RXRA: variants seen among roughly 807,000 people sequenced by gnomAD.
RXRA encodes retinoid X receptor alpha.
Under a neutral mutation model 44.5 loss-of-function variants are expected in RXRA, and 5 were observed. That is an observed-to-expected ratio of 0.11 (90% CI 0.06 to 0.24). The LOEUF (loss-of-function observed/expected upper bound fraction) is 0.24. RXRA is among the 10% of genes least tolerant of loss of function. The pLI is 1.00. For missense variants in RXRA, 412 were observed against 646.5 expected, an observed-to-expected ratio of 0.64 and a Z score of 3.93; for synonymous variants, 291 against 271.4, an observed-to-expected ratio of 1.07 and a Z score of -0.71.
At chr9:134,423,871 T>TGC in intron 6 of RXRA, 1 of 973,056 alleles carries the variant, frequency 1.0e-6, no homozygotes, top group Non-Finnish European at 1.2e-6. Context: ...AGGGCGGTGC[T>TGC]CCCACCCCAC....
chr9:134,418,514 G>C (rs1462131920), intron 5 of RXRA, among the ~76,000 whole-genome samples: 1 of 152,112 alleles, frequency 6.6e-6, no homozygotes, highest in Non-Finnish European at 1.5e-5. Context: ...CTCCGTGCTG[G>C]GTGCGCCCTG....
intron 1 of RXRA, among the ~76,000 whole-genome samples, chr9:134,327,119 G>C (rs2119000396): frequency 6.6e-6 from 1 of 152,212 alleles, no homozygotes; most frequent in Non-Finnish European, 1.5e-5. Flanking sequence ...CTTCTAGCAG[G>C]CCGCTGGCCC....
At chr9:134,422,559 C>A in intron 6 of RXRA, 1 of 1,172,750 alleles carries the variant, frequency 8.5e-7, no homozygotes, top group Non-Finnish European at 1.1e-6. Flanking sequence ...CTGGGACAGT[C>A]CCCACTCCCG....
At chr9:134,339,969 G>A (rs1358308723) in intron 1 of RXRA, among the ~76,000 whole-genome samples, 1 of 152,160 alleles carries the variant, frequency 6.6e-6, no homozygotes, top group Non-Finnish European at 1.5e-5. Flanking sequence ...CTGTCTGTGT[G>A]CACCCGTGCA....
At chr9:134,340,099 G>A (rs76549058) in intron 1 of RXRA, among the ~76,000 whole-genome samples, 2,957 of 151,750 alleles carry the variant, frequency 0.019, 58 homozygotes, top group Middle Eastern at 0.044. Flanking sequence ...TTGTGTCCTC[G>A]TGTCTCCCTG....
chr9:134,419,994 C>A (rs1831302919), intron 5 of RXRA, among the ~76,000 whole-genome samples: 1 of 152,182 alleles, frequency 6.6e-6, no homozygotes, highest in Non-Finnish European at 1.5e-5. Flanking sequence ...CCCAGCCAGC[C>A]CAGGAGGGCT....
intron 1 of RXRA, among the ~76,000 whole-genome samples, chr9:134,336,494 G>A (rs1415213573): frequency 6.6e-6 from 1 of 152,182 alleles, no homozygotes; most frequent in Admixed American, 6.5e-5. Flanking sequence ...TTGGAAAATA[G>A]AAGGAAGGAT....
chr9:134,424,410 G>A (rs1398431285), intron 6 of RXRA: 1 of 985,404 alleles, frequency 1.0e-6, no homozygotes, highest in Non-Finnish European at 1.2e-6. Context: ...CCTCCCCCTG[G>A]GCGCCCACTG....
At chr9:134,370,176 A>G (rs998936079) in intron 1 of RXRA, among the ~76,000 whole-genome samples, 1 of 152,130 alleles carries the variant, frequency 6.6e-6, no homozygotes, top group Non-Finnish European at 1.5e-5. Context: ...TCCCATGGCT[A>G]TGGCTTTGAG....
intron 1 of RXRA, among the ~76,000 whole-genome samples, chr9:134,381,750 T>C (rs1224177370): frequency 6.6e-6 from 1 of 152,082 alleles, no homozygotes; most frequent in Non-Finnish European, 1.5e-5. Context: ...TCAGCGGCCC[T>C]GGTTAGGGCT....
chr9:134,408,610 G>A (rs1250124571), intron 3 of RXRA, among the ~76,000 whole-genome samples: 2 of 152,230 alleles, frequency 1.3e-5, no homozygotes, highest in Admixed American at 1.3e-4. Context: ...CCTTGGCTGG[G>A]TCTGGGCAAG....
intron 1 of RXRA, among the ~76,000 whole-genome samples, chr9:134,344,745 C>G (rs1158216123): frequency 1.3e-5 from 2 of 152,202 alleles, no homozygotes; most frequent in Admixed American, 1.3e-4. Flanking sequence ...ACCACCATAC[C>G]CCTTAGCAAC....
At chr9:134,360,703 A>G (rs1830339870) in intron 1 of RXRA, among the ~76,000 whole-genome samples, 1 of 152,214 alleles carries the variant, frequency 6.6e-6, no homozygotes, top group Non-Finnish European at 1.5e-5. Context: ...GGGTGAATCC[A>G]GGACCTGGGA....
At chr9:134,393,137 G>A (rs1371374905) in intron 1 of RXRA, among the ~76,000 whole-genome samples, 1 of 152,128 alleles carries the variant, frequency 6.6e-6, no homozygotes, top group East Asian at 1.9e-4. Context: ...CGGACCAAGT[G>A]CAGGGCGAGC....
At chr9:134,384,430 G>A (rs933834515) in intron 1 of RXRA, among the ~76,000 whole-genome samples, 2 of 152,254 alleles carry the variant, frequency 1.3e-5, no homozygotes, top group Non-Finnish European at 2.9e-5. Flanking sequence ...GGAGTCAGGG[G>A]ATATGGCAGC....
In RXRA at chr9:134,433,321, G is replaced by A. The variant is rs1209385347; in HGVS notation, c.1136-781G>A. On this transcript the variant is annotated intron_variant, in intron 8 of 9. Transcript: ENST00000481739. This position sits in a 1 kb window ranked among gnomAD's most constrained non-coding sequence, Gnocchi z 4.2. Reference sequence around the variant, plus strand: ...GGGGCACCAGCAGGACCTGGGCACCGGCTTGCAGGGAGGGTGAGATTGTCT... The same window carrying A: ...GGGGCACCAGCAGGACCTGGGCACCAGCTTGCAGGGAGGGTGAGATTGTCT... Among the ~76,000 whole-genome samples the A allele has an allele frequency of 1.3e-5, 2 of 152,174 alleles. No homozygotes were observed. The highest frequency in any genetic ancestry group is 2.9e-5 in the Non-Finnish European group (2 of 68,032).
At chr9:134,375,215 G>GCCTGACATGTT (rs1830540995) in intron 1 of RXRA, among the ~76,000 whole-genome samples, 1 of 152,226 alleles carries the variant, frequency 6.6e-6, no homozygotes, top group Admixed American at 6.5e-5. Context: ...AGGCGAGAGA[G>GCCTGACATGTT]CCTGACATGT....
At position 134,401,570 on chromosome 9, in the gene RXRA, G is replaced by A; in HGVS notation, c.29-62G>A. On this transcript the variant is annotated intron_variant, in intron 1 of 9. Coordinates refer to ENST00000481739, the MANE Select transcript of RXRA (RefSeq NM_002957.6). ...GTGCATCTGTAGCTGGGGGGAGCAG[G>A]CATTTGGTGGGGCCTGGAGTCACCT... 6 of 1,602,994 alleles carry A rather than the reference G, an allele frequency of 3.7e-6. No individual in the cohort carries two copies. The South Asian group carries it at 6.6e-5, about 18-fold the overall frequency.
chr9:134,409,265 GC>G, intron 4 of RXRA, 146 bp downstream of exon 4: 1 of 816,950 alleles, frequency 1.2e-6, no homozygotes, highest in Non-Finnish European at 1.8e-6. Context: ...TGGGGGCGGG[GC>G]CCAGCGCGTG....
Sources: allele counts gnomAD v4.1 joint callset (sites outside exome capture counted in the v4.1 genomes callset), GRCh38; gene constraint gnomAD v4.1.1; non-coding constraint Gnocchi (gnomAD v3.1); transcripts MANE v1.5; gene names NCBI Gene and HGNC (gene_info 2026-07-23, HGNC 2026-07-21).